The following DOCK2 variants were observed in gnomAD, a reference collection of about 807,000 sequenced individuals.
DOCK2 encodes dedicator of cytokinesis protein 2.
In DOCK2, 87 loss-of-function variants were observed where a neutral mutation model predicts 248.9. That is an observed-to-expected ratio of 0.35 (90% CI 0.29 to 0.42). The LOEUF (loss-of-function observed/expected upper bound fraction) is 0.42, where lower values mean the gene tolerates loss of function less well. Ranked by LOEUF, DOCK2 falls within the 10% of genes least tolerant of loss-of-function variation. DOCK2 has a pLI of 1.00. For synonymous variants in DOCK2, 805 were observed against 821.6 expected, an observed-to-expected ratio of 0.98 and a Z score of 0.35; for missense variants, 1,747 against 2,300.2, an observed-to-expected ratio of 0.76 and a Z score of 4.92.
intron 27 of DOCK2, among the ~76,000 whole-genome samples, chr5:169,864,742 C>G (rs1283933450): frequency 2.0e-5 from 3 of 152,172 alleles, no homozygotes; most frequent in Non-Finnish European, 4.4e-5. Flanking sequence ...GCTCCAGTCT[C>G]TCTCTTAATC....
intron 1 of DOCK2, among the ~76,000 whole-genome samples, chr5:169,652,670 C>T (rs529060284): frequency 2.6e-5 from 4 of 152,118 alleles, no homozygotes; most frequent in Non-Finnish European, 5.9e-5. Context: ...CCTTCTGAAC[C>T]ACTCTGGTCT....
At chr5:169,741,666 G>C (rs542658785) in intron 22 of DOCK2, among the ~76,000 whole-genome samples, 3 of 152,262 alleles carry the variant, frequency 2.0e-5, no homozygotes, top group South Asian at 4.1e-4. Flanking sequence ...AAAGCGTAGA[G>C]CCAGCCTTCT....
intron 44 of DOCK2, among the ~76,000 whole-genome samples, chr5:170,066,761 T>C (rs775466839): frequency 1.3e-5 from 2 of 152,176 alleles, no homozygotes; most frequent in Non-Finnish European, 2.9e-5. Flanking sequence ...ATTTCTGCAG[T>C]TTTATTGGAA....
At chr5:169,997,439 G>A (rs1475671522) in intron 30 of DOCK2, among the ~76,000 whole-genome samples, 1 of 146,698 alleles carries the variant, frequency 6.8e-6, no homozygotes, top group Non-Finnish European at 1.5e-5. Context: ...TGTCGGGCTG[G>A]GGGACGGTCA....
At chr5:169,817,791 C>T (rs1281696621) in intron 26 of DOCK2, among the ~76,000 whole-genome samples, 1 of 152,198 alleles carries the variant, frequency 6.6e-6, no homozygotes, top group Non-Finnish European at 1.5e-5. Flanking sequence ...TTACGTTTCT[C>T]CCGTATTTCC....
At chr5:169,761,338 A>C in intron 24 of DOCK2, 181 bp from the exon 25 acceptor site, 1 of 594,772 alleles carries the variant, frequency 1.7e-6, no homozygotes, top group East Asian at 2.8e-5. Flanking sequence ...TTTTAATGCT[A>C]CTAATATTCT....
chr5:169,882,497 G>T (rs1772713458), intron 27 of DOCK2: 7 of 1,417,656 alleles, frequency 4.9e-6, no homozygotes, highest in Non-Finnish European at 6.6e-6. Context: ...CTCTGCCCCT[G>T]TGTTGGCAAA....
intron 27 of DOCK2, among the ~76,000 whole-genome samples, chr5:169,949,332 G>A (rs1056462077): frequency 1.3e-5 from 2 of 152,128 alleles, no homozygotes. Flanking sequence ...TGTAAATAGA[G>A]GCACCTGGGA....
At chr5:169,697,394 T>G (rs1251940860) in intron 10 of DOCK2, among the ~76,000 whole-genome samples, 2 of 152,178 alleles carry the variant, frequency 1.3e-5, no homozygotes, top group African/African-American at 4.8e-5. Context: ...TAGCAACCAG[T>G]GGAAAGAATG....
At chr5:169,762,655 A>T (rs903876439) in intron 25 of DOCK2, among the ~76,000 whole-genome samples, 1 of 152,222 alleles carries the variant, frequency 6.6e-6, no homozygotes, top group African/African-American at 2.4e-5. Flanking sequence ...CAGAAACTGC[A>T]TTCCTTCACT....
intron 15 of DOCK2, 33 bp from the exon 16 acceptor site, chr5:169,711,902 A>G (rs774086385): frequency 1.9e-6 from 3 of 1,612,742 alleles, no homozygotes; most frequent in South Asian, 1.1e-5. Context: ...CCTTTAACTC[A>G]TTGTGTTCTG....
intron 32 of DOCK2, among the ~76,000 whole-genome samples, chr5:170,011,676 C>T (rs1373641147): frequency 6.6e-6 from 1 of 152,112 alleles, no homozygotes; most frequent in East Asian, 1.9e-4. Context: ...CCAAGTCTGT[C>T]CCATGAGAAT....
chr5:169,668,637 C>T (rs191272542), intron 2 of DOCK2, among the ~76,000 whole-genome samples: 2 of 152,270 alleles, frequency 1.3e-5, no homozygotes, highest in East Asian at 3.9e-4. Context: ...TGCACTCAGG[C>T]GTATTTTGTC....
intron 26 of DOCK2, among the ~76,000 whole-genome samples, chr5:169,814,791 T>C (rs762435599): frequency 6.6e-6 from 1 of 152,198 alleles, no homozygotes; most frequent in Non-Finnish European, 1.5e-5. Flanking sequence ...CTTATTTCTA[T>C]GTGAAGGGAA....
chr5:169,708,157 T>C lies in DOCK2; in HGVS notation c.1384-12T>C. The C allele has an allele frequency of 1.9e-6, 3 of 1,613,252 alleles. 1 individual carries two copies. The highest frequency in any genetic ancestry group is 2.2e-5 in the East Asian group (1 of 44,800). On this transcript the variant is annotated splice_polypyrimidine_tract_variant and intron_variant, in intron 14 of 51. Coordinates refer to ENST00000520908, the MANE Select transcript of DOCK2 (RefSeq NM_004946.3). ...TGTAGTCTTTTCCCTCACTTTGTTT[T>C]TCTTGGGTCAGAATGCAATTTGCGT...
intron 23 of DOCK2, among the ~76,000 whole-genome samples, chr5:169,748,390 T>G (rs1002750069): frequency 1.3e-5 from 2 of 152,178 alleles, no homozygotes; most frequent in South Asian, 4.1e-4. Flanking sequence ...TAAATTCTGA[T>G]GCCTGGTTAC....
At chr5:169,828,723 G>T (rs965367036) in intron 26 of DOCK2, among the ~76,000 whole-genome samples, 18 of 152,214 alleles carry the variant, frequency 1.2e-4, no homozygotes, top group African/African-American at 4.1e-4. Context: ...TCTGTGCCCA[G>T]AAGCGTCCAG....
chr5:169,946,379 G>A (rs750450839), intron 27 of DOCK2, among the ~76,000 whole-genome samples: 1 of 152,320 alleles, frequency 6.6e-6, no homozygotes, highest in South Asian at 2.1e-4. Flanking sequence ...GTCCAAGAAG[G>A]CTCTTCCAGG....
intron 38 of DOCK2, 116 bp from the exon 39 acceptor site, chr5:170,045,700 G>C: frequency 9.6e-7 from 1 of 1,036,884 alleles, no homozygotes; most frequent in Admixed American, 1.7e-5. Context: ...ATCTGGGTCA[G>C]AGCAAGGTTT....
Sources: allele counts gnomAD v4.1 joint callset (sites outside exome capture counted in the v4.1 genomes callset), GRCh38; gene constraint gnomAD v4.1.1; transcripts MANE v1.5; gene names NCBI Gene and HGNC (gene_info 2026-07-23, HGNC 2026-07-21).